The following PRH1 variants were observed in gnomAD, a reference collection of about 807,000 sequenced individuals.
PRH1 encodes the protein proline rich protein HaeIII subfamily 1.
In PRH1, 7 loss-of-function variants were observed where a neutral mutation model predicts 7.9. The observed-to-expected ratio is 0.89, with a 90% confidence interval of 0.50 to 1.67. The LOEUF is 1.67. Among genes scored for constraint, PRH1 ranks in the 40% most tolerant of loss-of-function variants. The probability of loss-of-function intolerance (pLI) is 0.00; values close to 1 mark genes in which losing one functional copy is unlikely to be tolerated. For synonymous variants in PRH1, 45 were observed against 80.8 expected, an observed-to-expected ratio of 0.56 and a Z score of 2.38; for missense variants, 109 against 223.6, an observed-to-expected ratio of 0.49 and a Z score of 3.27.
chr12:11,146,547 G>C (rs572856942), intron 1 of PRH1, among the ~76,000 whole-genome samples: 7 of 152,174 alleles, frequency 4.6e-5, no homozygotes, highest in African/African-American at 1.7e-4. Context: ...GAGTCAGACA[G>C]CTAACTTAGC....
At chr12:11,164,795 T>C (rs909071750) in intron 1 of PRH1, among the ~76,000 whole-genome samples, 1 of 152,226 alleles carries the variant, frequency 6.6e-6, no homozygotes. Flanking sequence ...ATATAATTTT[T>C]ATAAATTATA....
At chr12:11,033,086 C>G (rs1942295848) in intron 1 of PRH1, among the ~76,000 whole-genome samples, 1 of 152,134 alleles carries the variant, frequency 6.6e-6, no homozygotes, top group African/African-American at 2.4e-5. Flanking sequence ...CAGCCATCCA[C>G]CAAACCCAGC....
chr12:11,165,903 C>A (rs1273707472), intron 1 of PRH1, among the ~76,000 whole-genome samples: 1 of 152,170 alleles, frequency 6.6e-6, no homozygotes, highest in African/African-American at 2.4e-5. Context: ...CACTTGTGTC[C>A]CTCTCCCAGT....
intron 2 of PRH1, among the ~76,000 whole-genome samples, chr12:10,969,163 C>CGG (rs2135947344): frequency 1.3e-5 from 2 of 152,304 alleles, no homozygotes; most frequent in East Asian, 3.9e-4. Context: ...CCCTGAAGTC[C>CGG]GGCTGTCTCC....
chr12:11,092,126 C>G (rs68157013), intron 1 of PRH1: 480,101 of 1,430,616 alleles, frequency 0.34, 42,934 homozygotes, highest in East Asian at 0.52. Flanking sequence ...TCTCTTGAAC[C>G]ACTCAATGGA....
chr12:11,070,334 G>A (rs1003161321), intron 1 of PRH1, among the ~76,000 whole-genome samples: 2 of 151,922 alleles, frequency 1.3e-5, no homozygotes, highest in Non-Finnish European at 2.9e-5. Flanking sequence ...TACAACTCCA[G>A]TAAACACACT....
chr12:11,147,550 T>C (rs549409398), intron 1 of PRH1, among the ~76,000 whole-genome samples: 1 of 152,322 alleles, frequency 6.6e-6, no homozygotes, highest in Admixed American at 6.5e-5. Context: ...TGTTTTTTGG[T>C]AAATCGATGT....
At chr12:10,940,149 G>T (rs1342017964) in intron 2 of PRH1, among the ~76,000 whole-genome samples, 1 of 152,134 alleles carries the variant, frequency 6.6e-6, no homozygotes, top group African/African-American at 2.4e-5. Flanking sequence ...TTCCTAGAAT[G>T]CTGGGTACCA....
intron 2 of PRH1, chr12:10,973,556 T>G (rs1938934545): frequency 3.0e-6 from 2 of 663,212 alleles, no homozygotes; most frequent in South Asian, 3.5e-5. Flanking sequence ...AGTACACTAC[T>G]TGTATAACTG....
intron 1 of PRH1, among the ~76,000 whole-genome samples, chr12:11,153,661 A>G (rs148288109): frequency 6.6e-6 from 1 of 152,148 alleles, no homozygotes; most frequent in Admixed American, 6.6e-5. Flanking sequence ...ATACCACTCT[A>G]TATATATCCC....
chr12:10,926,074 T>C (rs1018203394), intron 2 of PRH1, among the ~76,000 whole-genome samples: 3 of 152,168 alleles, frequency 2.0e-5, no homozygotes, highest in Non-Finnish European at 4.4e-5. Context: ...GTATAATATA[T>C]ATTAATAGGT....
intron 1 of PRH1, among the ~76,000 whole-genome samples, chr12:11,156,426 T>C (rs1328332321): frequency 6.6e-6 from 1 of 152,178 alleles, no homozygotes; most frequent in Non-Finnish European, 1.5e-5. Flanking sequence ...CTCAGCAACA[T>C]TACTTCTTCC....
At chr12:11,045,089 AT>A (rs1463576286) in intron 1 of PRH1, among the ~76,000 whole-genome samples, 1 of 152,178 alleles carries the variant, frequency 6.6e-6, no homozygotes, top group Non-Finnish European at 1.5e-5. Flanking sequence ...GATAAAGATA[AT>A]ATGGTACATA....
downstream of PRH1, among the ~76,000 whole-genome samples, chr12:11,116,311 A>G (rs1592043465): frequency 6.6e-6 from 1 of 152,204 alleles, no homozygotes; most frequent in African/African-American, 2.4e-5. Context: ...TCCCAGGCAC[A>G]TACAACCTAC....
At chr12:10,948,769 T>C (rs1950526206) in intron 2 of PRH1, among the ~76,000 whole-genome samples, 1 of 152,176 alleles carries the variant, frequency 6.6e-6, no homozygotes, top group South Asian at 2.1e-4. Flanking sequence ...CAGTGTATAT[T>C]AGGCACAGTA....
At chr12:11,137,087 T>C (rs1839560326) in intron 1 of PRH1, among the ~76,000 whole-genome samples, 6 of 152,138 alleles carry the variant, frequency 3.9e-5, no homozygotes, top group Admixed American at 2.6e-4. Flanking sequence ...AGCTTGTCTG[T>C]TGCTGGGTCA....
Position 11,096,406 on chromosome 12 carries a change from C to G in PRH1, n.124-49218G>C, listed in dbSNP as rs1826250905. 1.7e-5 allele frequency among the ~76,000 whole-genome samples: 2 copies of G among 115,364 alleles called. 1 individual carries two copies. The highest frequency in any genetic ancestry group is 4.1e-5 in the Non-Finnish European group (2 of 48,830). The allele number at this position is 115,364 out of a possible 152,430, so 75.7% of individuals were successfully genotyped here. A position where few individuals can be genotyped will look rare whatever the true frequency, so the allele number is the denominator to read the frequency against. ...TAGAGGTAGAAATGAACTTTTTGTT[C>G]TCCTTATATAAATCGTTTTCTAACG... is the stretch of plus-strand genomic sequence containing the variant. On this transcript the variant is annotated intron_variant and non_coding_transcript_variant, in intron 1 of 4. Coordinates refer to the PRH1 transcript ENST00000541977.
At chr12:11,002,307 G>A (rs12321023) in intron 1 of PRH1, among the ~76,000 whole-genome samples, 46,311 of 151,948 alleles carry the variant, frequency 0.3, 8,914 homozygotes, top group East Asian at 0.74. Flanking sequence ...TCTAAGTGCT[G>A]CGTTTCAGGG....
At chr12:11,143,822 A>G (rs1946784750) in intron 1 of PRH1, among the ~76,000 whole-genome samples, 1 of 152,244 alleles carries the variant, frequency 6.6e-6, no homozygotes, top group Non-Finnish European at 1.5e-5. Context: ...GCTCCCACGT[A>G]TATAAGTCAA....
Sources: gnomAD v4.1 joint callset for allele counts (sites outside exome capture counted in the v4.1 genomes callset) on GRCh38, gnomAD v4.1.1 for gene constraint, MANE v1.5 for transcripts, NCBI Gene and HGNC (gene_info 2026-07-23, HGNC 2026-07-21) for gene names.